The following PRKN variants were observed in gnomAD, a reference collection of about 807,000 sequenced individuals.
PRKN encodes parkin RBR E3 ubiquitin protein ligase.
In PRKN, 56 loss-of-function variants were observed where a neutral mutation model predicts 59.5. That is an observed-to-expected ratio of 0.94 (90% CI 0.76 to 1.18). The LOEUF is 1.18. Among genes scored for constraint, PRKN ranks in the 50% most tolerant of loss-of-function variants. PRKN has a pLI of 0.00. For synonymous variants in PRKN, 250 were observed against 222.1 expected (o/e 1.13, Z -1.12); for missense variants, 657 against 596.4 (o/e 1.10, Z -1.06).
At chr6:162,348,449 C>T (rs1049667183) in intron 2 of PRKN, among the ~76,000 whole-genome samples, 31 of 152,020 alleles carry the variant, frequency 2.0e-4, no homozygotes, top group African/African-American at 6.5e-4. Flanking sequence ...CAGAAACTGA[C>T]GAGGAATGCA....
chr6:162,664,984 C>T (rs1191414488), intron 1 of PRKN, among the ~76,000 whole-genome samples: 1 of 152,088 alleles, frequency 6.6e-6, no homozygotes, highest in Non-Finnish European at 1.5e-5. Flanking sequence ...ATTCAACATC[C>T]CCTCATGTTA....
chr6:161,951,127 C>T (rs907339755), intron 6 of PRKN, among the ~76,000 whole-genome samples: 4 of 151,574 alleles, frequency 2.6e-5, no homozygotes, highest in Non-Finnish European at 4.4e-5. Flanking sequence ...AGGGTTTTTA[C>T]GTTACTATTA....
chr6:162,458,426 C>CAA (rs376379369), intron 1 of PRKN, among the ~76,000 whole-genome samples: 1 of 116,962 alleles, frequency 8.5e-6, no homozygotes, highest in Admixed American at 8.8e-5. Context: ...GACTCCATCT[C>CAA]AAAAAAAAAA....
chr6:161,514,576 C>A lies in PRKN; in HGVS notation c.1083+34278G>T, dbSNP rs9458293. Among the ~76,000 whole-genome samples, 922 of 152,208 alleles carry A rather than the reference C, an allele frequency of 6.1e-3. 11 individuals carry two copies. The highest frequency in any genetic ancestry group is 0.021 in the African/African-American group (858 of 41,516). ...CAAAAAGCAAGAGAGGGTTAAGGAT[C>A]TGCGTCTGTGACTCACGCTGGCTTA... is the stretch of plus-strand genomic sequence containing the variant. On this transcript the variant is annotated intron_variant, in intron 9 of 11. Coordinates refer to ENST00000366898, the MANE Select transcript of PRKN (RefSeq NM_004562.3).
rs529965331 is a variant in PRKN at position 161,390,129 on chromosome 6, A to G, written c.1084-3252T>C. ...GGTCCTTCCCAATTAAGTAACATGA[A>G]TCTGTCTCATGTGCAATGTAGAAGG... On this transcript the variant is annotated intron_variant, in intron 9 of 11. Coordinates refer to ENST00000366898, the MANE Select transcript of PRKN (RefSeq NM_004562.3). The surrounding 1 kb of genome is among the most constrained non-coding windows in gnomAD (Gnocchi z 7.0). 6.6e-6 allele frequency among the ~76,000 whole-genome samples: 1 copy of G among 152,334 alleles called. No homozygotes were observed. The highest frequency in any genetic ancestry group is 2.1e-4 in the South Asian group (1 of 4,822).
intron 5 of PRKN, among the ~76,000 whole-genome samples, chr6:162,012,924 A>G (rs1191493266): frequency 2.6e-5 from 4 of 152,148 alleles, no homozygotes; most frequent in Non-Finnish European, 5.9e-5. Context: ...GGTTCCTGCC[A>G]GGTTTCTCCA....
In PRKN at chr6:161,356,631, G is replaced by A. The variant is rs980831285; in HGVS notation, c.1285+3457C>T. Among the ~76,000 whole-genome samples the A allele has an allele frequency of 3.9e-5, 6 of 152,252 alleles. No individual in the cohort carries two copies. The highest frequency in any genetic ancestry group is 2.0e-4 in the Admixed American group (3 of 15,298). ...GAGCACGGGGAAGGCCGTGGTGACC[G>A]GGGATTGAATGCAGGGTGAGGAAGA... On this transcript the variant is annotated intron_variant, in intron 11 of 11. Transcript: ENST00000366898. The surrounding 1 kb of genome is among the most constrained non-coding windows in gnomAD (Gnocchi z 7.8).
intron 3 of PRKN, among the ~76,000 whole-genome samples, chr6:162,251,978 C>A (rs1779454868): frequency 2.0e-5 from 3 of 152,274 alleles, no homozygotes; most frequent in African/African-American, 7.2e-5. Flanking sequence ...ATAATTTTAT[C>A]ATAAACTCTG....
At chr6:162,386,921 T>C (rs1786854242) in intron 2 of PRKN, among the ~76,000 whole-genome samples, 1 of 152,168 alleles carries the variant, frequency 6.6e-6, no homozygotes. Context: ...TAAGGTAACA[T>C]TGCATTCAAT....
chr6:161,718,915 G>T (rs113315227), intron 7 of PRKN, among the ~76,000 whole-genome samples: 3 of 152,064 alleles, frequency 2.0e-5, no homozygotes, highest in African/African-American at 7.2e-5. Context: ...GGGCTTTAGC[G>T]GCATCTCACA....
chr6:162,584,599 T>G (rs534149256), intron 1 of PRKN, among the ~76,000 whole-genome samples: 2 of 152,188 alleles, frequency 1.3e-5, no homozygotes, highest in African/African-American at 4.8e-5. Flanking sequence ...TATGCTTGTA[T>G]ATCATGATTT....
At chr6:162,626,780 C>A (rs1184963409) in intron 1 of PRKN, among the ~76,000 whole-genome samples, 1 of 148,664 alleles carries the variant, frequency 6.7e-6, no homozygotes, top group Non-Finnish European at 1.5e-5. Context: ...TGCCACTGCA[C>A]TCCAGCCTGG....
At chr6:162,099,887 T>A (rs1379140257) in intron 4 of PRKN, among the ~76,000 whole-genome samples, 1 of 152,204 alleles carries the variant, frequency 6.6e-6, no homozygotes, top group African/African-American at 2.4e-5. Flanking sequence ...CCTGACTCAC[T>A]GAAAGTTTGC....
intron 7 of PRKN, among the ~76,000 whole-genome samples, chr6:161,653,677 C>T (rs1005476374): frequency 5.3e-5 from 8 of 152,152 alleles, no homozygotes; most frequent in Non-Finnish European, 1.2e-4. Context: ...AGAAGTACAT[C>T]GTATATATAC....
chr6:162,700,983 CAT>C (rs1778132589), intron 1 of PRKN, among the ~76,000 whole-genome samples: 1 of 152,018 alleles, frequency 6.6e-6, no homozygotes, highest in Non-Finnish European at 1.5e-5. Flanking sequence ...CCAGATAAAA[CAT>C]AAACTTTTAT....
In PRKN at chr6:162,217,681, C is replaced by G. The variant is rs149859948; in HGVS notation, c.413-16429G>C. ...TTCTAGGATTACAGGCATGAGCCAC[C>G]ATGCCCAGTTTTAAATTTTTAAAAG... On this transcript the variant is annotated intron_variant, in intron 3 of 11. Transcript: ENST00000366898. 6.6e-3 allele frequency among the ~76,000 whole-genome samples: 1,012 copies of G among 152,262 alleles called. 10 individuals are homozygous for G. The highest frequency in any genetic ancestry group is 0.023 in the African/African-American group (951 of 41,542).
At chr6:161,632,703 C>T (rs567322837) in intron 7 of PRKN, among the ~76,000 whole-genome samples, 2 of 152,150 alleles carry the variant, frequency 1.3e-5, no homozygotes, top group Non-Finnish European at 2.9e-5. Flanking sequence ...AGTTCCACAG[C>T]TCTGGGGAGG....
intron 4 of PRKN, among the ~76,000 whole-genome samples, chr6:162,132,791 G>C (rs1030906079): frequency 2.6e-5 from 4 of 152,208 alleles, no homozygotes; most frequent in African/African-American, 9.6e-5. Flanking sequence ...CAAAAATCAA[G>C]CAGAGCGGTG....
intron 7 of PRKN, among the ~76,000 whole-genome samples, chr6:161,651,036 A>G (rs959887471): frequency 6.6e-6 from 1 of 152,216 alleles, no homozygotes; most frequent in Non-Finnish European, 1.5e-5. Context: ...TTTCATATGT[A>G]TCATTGCTTT....
Sources: gnomAD v4.1 joint callset for allele counts (sites outside exome capture counted in the v4.1 genomes callset) on GRCh38, gnomAD v4.1.1 for gene constraint, Gnocchi (gnomAD v3.1) non-coding constraint, MANE v1.5 for transcripts, NCBI Gene and HGNC (gene_info 2026-07-23, HGNC 2026-07-21) for gene names.